Variants in SLIT3 observed in about 807,000 individuals in gnomAD.
The protein encoded by SLIT3 is slit homolog 3 protein.
A neutral mutation model predicts 184.0 loss-of-function variants in SLIT3; 68 were observed. The ratio of observed to expected loss-of-function variants is 0.37; its 90% CI spans 0.30 to 0.45. SLIT3 has a LOEUF of 0.45. SLIT3 is among the 20% of genes least tolerant of loss of function. The pLI, the probability that SLIT3 is intolerant of heterozygous loss-of-function variation, is 1.00. For missense variants in SLIT3, 1,707 were observed against 2,026.0 expected (o/e 0.84, Z 3.02); for synonymous variants, 831 against 828.6 (o/e 1.00, Z -0.05).
chr5:169,014,665 C>T (rs756887309), intron 4 of SLIT3, among the ~76,000 whole-genome samples: 6 of 152,176 alleles, frequency 3.9e-5, no homozygotes, highest in African/African-American at 7.2e-5. Context: ...TAAGAAGCAA[C>T]CTCATGCTGG....
At chr5:168,754,088 C>T in intron 16 of SLIT3, 81 bp from the exon 17 acceptor site, 1 of 1,444,774 alleles carries the variant, frequency 6.9e-7, no homozygotes, top group Non-Finnish European at 9.3e-7. Context: ...TGCCCTGCAG[C>T]TGCTGGGGAC....
intron 4 of SLIT3, among the ~76,000 whole-genome samples, chr5:169,035,643 T>A (rs1231054333): frequency 9.1e-6 from 1 of 109,670 alleles, no homozygotes; most frequent in Non-Finnish European, 1.8e-5. Context: ...TGAGACTGCA[T>A]CTGGAAAAAA....
chr5:168,967,429 T>A (rs1451976465), intron 4 of SLIT3, among the ~76,000 whole-genome samples: 1 of 84,208 alleles, frequency 1.2e-5, no homozygotes, highest in Admixed American at 1.5e-4. Context: ...GGCACTGCCA[T>A]CTCAAATCTT....
In SLIT3 at chr5:168,781,877, G is replaced by A. The variant is rs142733798; in HGVS notation, c.1151+4030C>T. 3.5e-3 allele frequency among the ~76,000 whole-genome samples: 538 copies of A among 152,272 alleles called. 3 individuals are homozygous for A. Among genetic ancestry groups the A allele is most frequent in the African/African-American group, 0.012 (512 of 41,552 alleles). On this transcript the variant is annotated intron_variant, in intron 12 of 35. Transcript: ENST00000519560. ...GGCTCCATCATGCTAAGTGACAATG[G>A]TCAAGTCACTTAACCCTCAGTTTCC...
chr5:169,292,427 C>A (rs1267274415), intron 1 of SLIT3, among the ~76,000 whole-genome samples: 6 of 152,108 alleles, frequency 3.9e-5, no homozygotes, highest in African/African-American at 1.4e-4. Flanking sequence ...AAGAATTAAG[C>A]ATTAATAGGA....
intron 4 of SLIT3, among the ~76,000 whole-genome samples, chr5:169,132,630 G>A (rs1761345157): frequency 6.6e-6 from 1 of 152,132 alleles, no homozygotes; most frequent in African/African-American, 2.4e-5. Context: ...CATGAACTAA[G>A]CAGGAACCAG....
intron 4 of SLIT3, among the ~76,000 whole-genome samples, chr5:169,036,857 C>G (rs1315243615): frequency 6.6e-6 from 1 of 152,166 alleles, no homozygotes; most frequent in Non-Finnish European, 1.5e-5. Flanking sequence ...CTTCCGGGAC[C>G]AGAGAGCAAA....
chr5:169,092,702 G>A (rs1478342064), intron 4 of SLIT3, among the ~76,000 whole-genome samples: 1 of 152,200 alleles, frequency 6.6e-6, no homozygotes, highest in Non-Finnish European at 1.5e-5. Flanking sequence ...GTACCAGAGT[G>A]AGGTGTCCAC....
At chr5:168,986,441 TC>T (rs1233972988) in intron 4 of SLIT3, among the ~76,000 whole-genome samples, 58 of 152,162 alleles carry the variant, frequency 3.8e-4, no homozygotes, top group Non-Finnish European at 6.9e-4. Context: ...ATGATGCTTT[TC>T]AGCTCACATT....
At chr5:168,738,718 C>T (rs1763516479) in intron 20 of SLIT3, among the ~76,000 whole-genome samples, 1 of 152,148 alleles carries the variant, frequency 6.6e-6, no homozygotes, top group Non-Finnish European at 1.5e-5. Flanking sequence ...GCAGGTGGAT[C>T]ACAAGGTCAG....
At chr5:168,904,294 G>T (rs1030098141) in intron 4 of SLIT3, among the ~76,000 whole-genome samples, 9 of 152,112 alleles carry the variant, frequency 5.9e-5, no homozygotes, top group African/African-American at 2.2e-4. Flanking sequence ...TGCTAAGTTT[G>T]CTTCTGGTAG....
At chr5:168,883,453 T>A in intron 4 of SLIT3, 117 bp from the exon 5 acceptor site, 1 of 741,692 alleles carries the variant, frequency 1.3e-6, no homozygotes, top group South Asian at 1.6e-5. Flanking sequence ...TCAGAGTGTA[T>A]GGCGGCTGTT....
intron 1 of SLIT3, among the ~76,000 whole-genome samples, chr5:169,297,227 G>A (rs1474788761): frequency 6.6e-6 from 1 of 152,194 alleles, no homozygotes; most frequent in African/African-American, 2.4e-5. Flanking sequence ...TCCTCATGGA[G>A]GGGGAAAAAT....
At chr5:169,146,027 G>T (rs551316935) in intron 4 of SLIT3, among the ~76,000 whole-genome samples, 8 of 152,156 alleles carry the variant, frequency 5.3e-5, no homozygotes, top group Non-Finnish European at 1.0e-4. Flanking sequence ...CTCCAGCCTG[G>T]GCAACAGAGC....
intron 4 of SLIT3, among the ~76,000 whole-genome samples, chr5:168,996,282 A>G (rs1418493316): frequency 6.6e-6 from 1 of 152,166 alleles, no homozygotes; most frequent in African/African-American, 2.4e-5. Context: ...CGAGAGACAC[A>G]TGATTTACCT....
At chr5:169,087,129 A>C (rs1481823375) in intron 4 of SLIT3, among the ~76,000 whole-genome samples, 2 of 152,226 alleles carry the variant, frequency 1.3e-5, no homozygotes, top group Non-Finnish European at 2.9e-5. Flanking sequence ...GTGTTTCACA[A>C]CAAAGCAAAG....
intron 1 of SLIT3, among the ~76,000 whole-genome samples, chr5:169,274,716 A>G (rs538570493): frequency 7.9e-5 from 12 of 152,306 alleles, no homozygotes; most frequent in East Asian, 3.9e-4. Flanking sequence ...AACATCTCCA[A>G]TCTTGACACT....
At chr5:169,268,874 G>T (rs921371584) in intron 1 of SLIT3, among the ~76,000 whole-genome samples, 1 of 152,094 alleles carries the variant, frequency 6.6e-6, no homozygotes, top group Non-Finnish European at 1.5e-5. Flanking sequence ...GTCATATCAG[G>T]CACTGTTCAT....
intron 1 of SLIT3, among the ~76,000 whole-genome samples, chr5:169,273,301 G>A (rs1353954834): frequency 6.6e-6 from 1 of 152,198 alleles, no homozygotes; most frequent in East Asian, 1.9e-4. Context: ...TTCTACCTGA[G>A]GCTTGGCTTC....
Sources: allele counts gnomAD v4.1 joint callset (sites outside exome capture counted in the v4.1 genomes callset), GRCh38; gene constraint gnomAD v4.1.1; transcripts MANE v1.5; gene names NCBI Gene and HGNC (gene_info 2026-07-23, HGNC 2026-07-21).